Variants in ZC3HAV1L observed in about 807,000 individuals in gnomAD.
ZC3HAV1L encodes the protein ZC3HAV1 like.
ZC3HAV1L carries 23 observed loss-of-function variants against 28.2 expected under a neutral mutation model. The ratio of observed to expected loss-of-function variants is 0.82; its 90% CI spans 0.59 to 1.16. The LOEUF is 1.16. Among genes scored for constraint, ZC3HAV1L ranks in the 50% most tolerant of loss-of-function variants. ZC3HAV1L has a pLI of 0.00. For synonymous variants in ZC3HAV1L, 180 were observed against 163.4 expected, an observed-to-expected ratio of 1.10 and a Z score of -0.78; for missense variants, 376 against 387.7, an observed-to-expected ratio of 0.97 and a Z score of 0.25.
downstream of ZC3HAV1L, among the ~76,000 whole-genome samples, chr7:139,024,170 C>T (rs1032551828): frequency 5.9e-5 from 9 of 152,030 alleles, no homozygotes; most frequent in Non-Finnish European, 1.0e-4. Context: ...AACTATAATG[C>T]GATAACTTTC....
At chr7:139,028,314 A>C (rs1815414747) in intron 3 of ZC3HAV1L, among the ~76,000 whole-genome samples, 1 of 147,072 alleles carries the variant, frequency 6.8e-6, no homozygotes, top group Admixed American at 6.9e-5. Flanking sequence ...CAGAGGATGC[A>C]GTGAGCCCCG....
chr7:139,028,653 C>T (rs1309643552), intron 3 of ZC3HAV1L, 49 bp downstream of exon 3: 5 of 1,582,736 alleles, frequency 3.2e-6, no homozygotes, highest in African/African-American at 1.3e-5. Context: ...AGTGAAGCAT[C>T]GCAAAACCAT....
At chr7:139,031,310 C>T (rs966910336) in intron 2 of ZC3HAV1L, among the ~76,000 whole-genome samples, 8 of 152,158 alleles carry the variant, frequency 5.3e-5, no homozygotes, top group Admixed American at 3.9e-4. Context: ...GTGGACTGGG[C>T]ACAGTGGCTC....
intron 1 of ZC3HAV1L, chr7:139,035,310 C>CCCCACCT: frequency 2.0e-6 from 2 of 985,450 alleles, no homozygotes; most frequent in Non-Finnish European, 2.4e-6. Flanking sequence ...GCCCCACGCC[C>CCCCACCT]CCCACCTCCC....
At chr7:139,031,353 G>A (rs1166904875) in intron 2 of ZC3HAV1L, among the ~76,000 whole-genome samples, 1 of 152,180 alleles carries the variant, frequency 6.6e-6, no homozygotes, top group Non-Finnish European at 1.5e-5. Flanking sequence ...GGGAGGCCAA[G>A]GCAGGCGGAT....
At chr7:139,028,383 ACAAAAAC>A (rs796164812) in intron 3 of ZC3HAV1L, among the ~76,000 whole-genome samples, 21 of 150,814 alleles carry the variant, frequency 1.4e-4, no homozygotes, top group Non-Finnish European at 3.0e-4. Flanking sequence ...AAAAAAAAAA[ACAAAAAC>A]AAAACCTGTT....
rs1243791988 is a variant in ZC3HAV1L, at chr7:139,036,038, T to G, written c.-21A>C. On this transcript the variant is annotated 5_prime_UTR_variant, in exon 1 of 5. Transcript: ENST00000275766. ...GCCATGGTCGCTGGCGCGGGCCCTG[T>G]GCGCGCGGCGCAGCGAGCCGGGGCG... 16 of 1,478,010 alleles carry G rather than the reference T, an allele frequency of 1.1e-5. No homozygotes were observed. Among genetic ancestry groups the G allele is most frequent in the Non-Finnish European group, 1.3e-5 (15 of 1,123,280 alleles). The allele number at this position is 1,478,010 out of a possible 1,614,324, so 91.6% of individuals were successfully genotyped here.
At chr7:139,024,007 T>C (rs1191346102), downstream of ZC3HAV1L, among the ~76,000 whole-genome samples, 2 of 152,152 alleles carry the variant, frequency 1.3e-5, no homozygotes, top group Non-Finnish European at 2.9e-5. Flanking sequence ...ATTAGGTAGA[T>C]AGTGGTGACA....
In ZC3HAV1L at chr7:139,035,992, A is replaced by T. The variant is rs1003422063; in HGVS notation, c.26T>A (p.Phe9Tyr). 1 of 1,523,402 alleles carries T rather than the reference A, an allele frequency of 6.6e-7. No individual in the cohort carries two copies. The highest frequency in any genetic ancestry group is 8.7e-7 in the Non-Finnish European group (1 of 1,143,916). The allele number at this position is 1,523,402 out of a possible 1,614,324, so 94.4% of individuals were successfully genotyped here. MAEPTVCS[F>Y]LTKVLCAHGG... ...GTGGGCGCACAGCACCTTGGTGAGG[A>T]AGGAGCACACTGTGGGCTCCGCCAT... Residue 9 changes from phenylalanine to tyrosine, a missense_variant, in exon 1 of 5, where the codon TTC becomes TAC. Phe to Tyr is a conservative substitution (Grantham distance 22). Transcript: ENST00000275766.
chr7:139,026,487 A>G lies in ZC3HAV1L; in HGVS notation c.*57T>C, dbSNP rs1815354876. ...TGTTCAATGTCCCACCCCATCCCCA[A>G]CCACCCATGCCCAAATGTATTCTTC... On this transcript the variant is annotated 3_prime_UTR_variant, in exon 5 of 5. Transcript: ENST00000275766. 2.5e-6 allele frequency: 4 copies of G among 1,607,706 alleles called. No individual in the cohort carries two copies. The highest frequency in any genetic ancestry group is 2.5e-6 in the Non-Finnish European group (3 of 1,178,416).
chr7:139,021,910 G>A (rs1367469840), downstream of ZC3HAV1L, among the ~76,000 whole-genome samples: 4 of 152,016 alleles, frequency 2.6e-5, no homozygotes, highest in Non-Finnish European at 4.4e-5. Context: ...ATCTAAAACT[G>A]TTAGAACAAA....
chr7:139,023,422 A>G (rs543731760), downstream of ZC3HAV1L, among the ~76,000 whole-genome samples: 75 of 152,208 alleles, frequency 4.9e-4, no homozygotes, highest in Non-Finnish European at 9.8e-4. Context: ...TACAAGAGGC[A>G]GGCGTCCCTT....
rs1357043640 is a variant in ZC3HAV1L, at chr7:139,033,830, A to G, written c.501+713T>C. On this transcript the variant is annotated intron_variant, in intron 2 of 4. Coordinates refer to ENST00000275766, the MANE Select transcript of ZC3HAV1L (RefSeq NM_080660.4). ...GACAGGAAGGACTGGACCCAGCCTCATAGGTGCAGCCACCCTCCTCTCCCT... is the reference window on the plus strand; with the variant it reads ...GACAGGAAGGACTGGACCCAGCCTCGTAGGTGCAGCCACCCTCCTCTCCCT... The G allele has an allele frequency of 4.1e-6, 4 of 985,336 alleles. No homozygotes were observed. The Admixed American group carries it at 2.5e-4, about 61-fold the overall frequency. The allele number at this position is 985,336 out of a possible 1,614,324, so 61.0% of individuals were successfully genotyped here.
At chr7:139,022,918 T>C (rs573098407), downstream of ZC3HAV1L, among the ~76,000 whole-genome samples, 1 of 152,300 alleles carries the variant, frequency 6.6e-6, no homozygotes, top group Admixed American at 6.5e-5. Context: ...CTCACGCCTA[T>C]AATACTAACA....
chr7:139,025,318 C>T (rs767922615), downstream of ZC3HAV1L, among the ~76,000 whole-genome samples: 7 of 152,064 alleles, frequency 4.6e-5, no homozygotes, highest in African/African-American at 7.2e-5. Flanking sequence ...CGTGGTGGCT[C>T]ATGCCTGTAA....
chr7:139,034,808 G>A, intron 1 of ZC3HAV1L, 130 bp from the exon 2 acceptor site: 2 of 1,444,254 alleles, frequency 1.4e-6, no homozygotes, highest in African/African-American at 1.4e-5. Context: ...ACCGGGGATA[G>A]TATGGCCTAA....
chr7:139,031,890 G>A (rs953881933), intron 2 of ZC3HAV1L, among the ~76,000 whole-genome samples: 1 of 152,314 alleles, frequency 6.6e-6, no homozygotes, highest in East Asian at 1.9e-4. Flanking sequence ...GGGCGATAGA[G>A]CAAGATTCCA....
rs766613463 is a variant in ZC3HAV1L at position 139,035,727 on chromosome 7, G to A, written c.291C>T (p.Gly97=). The A allele has an allele frequency of 1.2e-5, 18 of 1,487,528 alleles. No individual in the cohort carries two copies. Among genetic ancestry groups the A allele is most frequent in the South Asian group, 5.1e-5 (4 of 78,938 alleles). 92.1% of individuals were successfully genotyped at this position (1,487,528 alleles called of 1,614,324 possible). Residue 97 remains glycine, a synonymous_variant, in exon 1 of 5, where the codon GGC becomes GGT. Coordinates refer to ENST00000275766, the MANE Select transcript of ZC3HAV1L (RefSeq NM_080660.4). ...SVRLCARYQR[G]ECQACDQLHF... ...GCAGCTGGTCGCAGGCCTGGCACTCGCCGCGCTGGTAGCGGGCGCAGAGGC... is the reference window on the plus strand; with the variant it reads ...GCAGCTGGTCGCAGGCCTGGCACTCACCGCGCTGGTAGCGGGCGCAGAGGC...
At chr7:139,030,091 C>G (rs1470546564) in intron 2 of ZC3HAV1L, among the ~76,000 whole-genome samples, 1 of 152,176 alleles carries the variant, frequency 6.6e-6, no homozygotes, top group Non-Finnish European at 1.5e-5. Context: ...CCCTCAGTCC[C>G]AGGCAAATGG....
Sources: allele counts gnomAD v4.1 joint callset (sites outside exome capture counted in the v4.1 genomes callset), GRCh38; gene constraint gnomAD v4.1.1; transcripts MANE v1.5; gene names NCBI Gene and HGNC (gene_info 2026-07-23, HGNC 2026-07-21).